Variants in NBEA observed in about 807,000 individuals in gnomAD.
NBEA encodes the protein lysosomal-trafficking regulator 2.
A neutral mutation model predicts 343.4 loss-of-function variants in NBEA; 44 were observed. The observed-to-expected ratio is 0.13, with a 90% CI of 0.10 to 0.16. NBEA has a LOEUF of 0.16. NBEA is among the 10% of genes least tolerant of loss of function. The probability of loss-of-function intolerance (pLI) is 1.00; values close to 1 mark genes in which losing one functional copy is unlikely to be tolerated. For synonymous variants in NBEA, 1,175 were observed against 1,238.7 expected (o/e 0.95, Z 1.08); for missense variants, 2,555 against 3,631.3 (o/e 0.70, Z 7.62).
chr13:35,663,679 A>T (rs1356299322), intron 55 of NBEA, among the ~76,000 whole-genome samples: 1 of 151,494 alleles, frequency 6.6e-6, no homozygotes, highest in Non-Finnish European at 1.5e-5. Flanking sequence ...CTTTGAAACA[A>T]TTTTTTTTTC....
At chr13:35,506,399 T>C (rs2077074397) in intron 41 of NBEA, among the ~76,000 whole-genome samples, 1 of 152,208 alleles carries the variant, frequency 6.6e-6, no homozygotes, top group Non-Finnish European at 1.5e-5. Flanking sequence ...TCTGATTTGT[T>C]ACTATTTACG....
chr13:35,592,611 A>G (rs1041910470), intron 46 of NBEA, among the ~76,000 whole-genome samples: 3 of 152,108 alleles, frequency 2.0e-5, no homozygotes, highest in African/African-American at 7.2e-5. Flanking sequence ...TACCCGGCCT[A>G]GGGAACATCA....
At chr13:35,142,154 T>C in intron 17 of NBEA, 115 bp from the exon 18 acceptor site, 1 of 521,542 alleles carries the variant, frequency 1.9e-6, no homozygotes. Flanking sequence ...TTCATGAAAA[T>C]AATTACTTGT....
intron 45 of NBEA, among the ~76,000 whole-genome samples, chr13:35,573,345 A>G (rs1241902526): frequency 6.6e-6 from 1 of 152,220 alleles, no homozygotes; most frequent in Non-Finnish European, 1.5e-5. Flanking sequence ...TCATACCTTT[A>G]AGAAGTTACA....
intron 38 of NBEA, among the ~76,000 whole-genome samples, chr13:35,428,967 T>C (rs934114110): frequency 6.6e-6 from 1 of 152,200 alleles, no homozygotes; most frequent in Non-Finnish European, 1.5e-5. Flanking sequence ...CGGAGGCTCT[T>C]CTTTACTGCT....
intron 33 of NBEA, among the ~76,000 whole-genome samples, chr13:35,220,785 A>G (rs1472673238): frequency 3.3e-5 from 5 of 152,160 alleles, no homozygotes; most frequent in Admixed American, 3.3e-4. Context: ...GAAACTTCCT[A>G]GCCATTACCT....
chr13:35,168,558 G>A (rs1415310901), intron 24 of NBEA, among the ~76,000 whole-genome samples: 2 of 151,490 alleles, frequency 1.3e-5, no homozygotes, highest in East Asian at 1.9e-4. Flanking sequence ...AAATTCTAGA[G>A]GTTGGTATAA....
chr13:35,059,481 G>A (rs1253881170), intron 8 of NBEA, among the ~76,000 whole-genome samples: 4 of 151,858 alleles, frequency 2.6e-5, no homozygotes, highest in African/African-American at 9.7e-5. Flanking sequence ...CATCTGGCTA[G>A]GGGAGTATAT....
intron 41 of NBEA, among the ~76,000 whole-genome samples, chr13:35,534,459 T>C (rs192126957): frequency 1.3e-5 from 2 of 152,288 alleles, no homozygotes; most frequent in South Asian, 2.1e-4. Flanking sequence ...TTTAATCTTA[T>C]AACCACCTTC....
chr13:34,988,293 A>G (rs1041445315), intron 1 of NBEA, among the ~76,000 whole-genome samples: 1 of 150,952 alleles, frequency 6.6e-6, no homozygotes, highest in Non-Finnish European at 1.5e-5. Flanking sequence ...TCTGAGCTCA[A>G]ACACCATGCT....
At chr13:35,268,747 A>G (rs896289331) in intron 34 of NBEA, among the ~76,000 whole-genome samples, 27 of 152,194 alleles carry the variant, frequency 1.8e-4, no homozygotes, top group African/African-American at 6.0e-4. Flanking sequence ...AGAACAAGTA[A>G]AAAGGTCCAT....
At chr13:35,405,981 G>A (rs2043247928) in intron 38 of NBEA, among the ~76,000 whole-genome samples, 1 of 152,012 alleles carries the variant, frequency 6.6e-6, no homozygotes, top group Non-Finnish European at 1.5e-5. Context: ...GAAAAAGAGT[G>A]TATAAGAGCT....
At chr13:35,623,569 ATTAT>A (rs2083090416) in intron 48 of NBEA, among the ~76,000 whole-genome samples, 2 of 152,222 alleles carry the variant, frequency 1.3e-5, no homozygotes, top group South Asian at 4.1e-4. Context: ...ACTATAATTA[ATTAT>A]TTATTGATTC....
chr13:35,472,561 A>G (rs1351845035), intron 41 of NBEA, 25 bp downstream of exon 41: 2 of 1,613,670 alleles, frequency 1.2e-6, no homozygotes, highest in African/African-American at 1.3e-5. Context: ...TTCCATGTAC[A>G]GTATTGGTGG....
At chr13:35,420,945 C>A (rs2044233935) in intron 38 of NBEA, among the ~76,000 whole-genome samples, 1 of 151,758 alleles carries the variant, frequency 6.6e-6, no homozygotes, top group Non-Finnish European at 1.5e-5. Flanking sequence ...AAAGAAACAG[C>A]TCTTTGTTTT....
intron 38 of NBEA, among the ~76,000 whole-genome samples, chr13:35,406,479 C>T (rs2043277510): frequency 6.6e-6 from 1 of 152,044 alleles, no homozygotes; most frequent in Non-Finnish European, 1.5e-5. Context: ...CTTTGAGTCC[C>T]CAAGTCCATT....
intron 35 of NBEA, among the ~76,000 whole-genome samples, chr13:35,299,254 A>AT (rs2036371405): frequency 6.6e-6 from 1 of 152,038 alleles, no homozygotes; most frequent in South Asian, 2.1e-4. Flanking sequence ...TTTCCTTGTA[A>AT]TTTTTTTATA....
intron 33 of NBEA, among the ~76,000 whole-genome samples, chr13:35,211,952 C>G (rs1410423491): frequency 2.0e-5 from 3 of 151,988 alleles, no homozygotes; most frequent in Non-Finnish European, 2.9e-5. Context: ...AAAGACCATT[C>G]CTAGAAGAGA....
chr13:35,548,850 CAAG>C (rs764760914), intron 41 of NBEA, among the ~76,000 whole-genome samples: 28 of 152,010 alleles, frequency 1.8e-4, no homozygotes, highest in Non-Finnish European at 3.5e-4. Flanking sequence ...GTGAAATGTA[CAAG>C]AAGAAGTTTT....
Sources: gnomAD v4.1 joint callset for allele counts (sites outside exome capture counted in the v4.1 genomes callset) on GRCh38, gnomAD v4.1.1 for gene constraint, MANE v1.5 for transcripts, NCBI Gene and HGNC (gene_info 2026-07-23, HGNC 2026-07-21) for gene names.